The following SDK1 variants were observed in gnomAD, a reference collection of about 807,000 sequenced individuals.
SDK1 encodes sidekick cell adhesion molecule 1.
Under a neutral mutation model 245.5 loss-of-function variants are expected in SDK1, and 157 were observed. The ratio of observed to expected loss-of-function variants is 0.64; its 90% CI spans 0.56 to 0.73. The LOEUF (loss-of-function observed/expected upper bound fraction) is 0.73. Ranked by LOEUF, SDK1 falls within the 30% of genes least tolerant of loss-of-function variation. SDK1 has a pLI of 0.00. For synonymous variants in SDK1, 1,647 were observed against 1,278.5 expected, an observed-to-expected ratio of 1.29 and a Z score of -6.15; for missense variants, 3,583 against 3,002.3, an observed-to-expected ratio of 1.19 and a Z score of -4.52.
chr7:4,118,600 C>T (rs1783867090), intron 25 of SDK1, among the ~76,000 whole-genome samples: 1 of 150,046 alleles, frequency 6.7e-6, no homozygotes, highest in African/African-American at 2.4e-5. Context: ...GAGCAGAAAA[C>T]ATATGTCTAC....
At chr7:3,717,122 A>T (rs1019113848) in intron 4 of SDK1, among the ~76,000 whole-genome samples, 8 of 152,348 alleles carry the variant, frequency 5.3e-5, no homozygotes, top group African/African-American at 1.7e-4. Flanking sequence ...GAATGAGGAT[A>T]CAAGTAGGCT....
chr7:3,561,263 A>G (rs1198534358), intron 1 of SDK1, among the ~76,000 whole-genome samples: 4 of 152,124 alleles, frequency 2.6e-5, no homozygotes, highest in Admixed American at 6.5e-5. Flanking sequence ...TTGATCCCTA[A>G]CACCCTCAAA....
chr7:3,974,125 A>C (rs1782697540), intron 12 of SDK1, among the ~76,000 whole-genome samples: 1 of 146,058 alleles, frequency 6.8e-6, no homozygotes, highest in African/African-American at 2.6e-5. Context: ...TGGAGGCTGC[A>C]GTGGGCCAAG....
intron 22 of SDK1, among the ~76,000 whole-genome samples, chr7:4,099,162 C>T (rs1188580914): frequency 6.6e-6 from 1 of 151,848 alleles, no homozygotes; most frequent in Non-Finnish European, 1.5e-5. Context: ...ATTCCAGGCA[C>T]AGAGAAGAGA....
In SDK1 at chr7:3,734,027, C is replaced by G. The variant is rs184841655; in HGVS notation, c.714-87423C>G. On this transcript the variant is annotated intron_variant, in intron 4 of 44. Transcript: ENST00000404826. The stretch of plus-strand genomic sequence containing the variant: ...ATTCATGCTGGGAACAGATCCAGAT[C>G]TGCTGTAAGCCCTGGCTGTGCCCTG... Among the ~76,000 whole-genome samples the G allele has an allele frequency of 3.7e-4, 56 of 152,310 alleles. No individual in the cohort carries two copies. In the South Asian group the frequency reaches 8.9e-3, roughly 24 times the overall value.
At chr7:3,914,647 A>G (rs1479964904) in intron 5 of SDK1, among the ~76,000 whole-genome samples, 1 of 152,160 alleles carries the variant, frequency 6.6e-6, no homozygotes, top group Non-Finnish European at 1.5e-5. Context: ...TTATTGCAAA[A>G]TGATTTTTTG....
At chr7:3,520,393 A>G (rs371811674) in intron 1 of SDK1, among the ~76,000 whole-genome samples, 1 of 152,148 alleles carries the variant, frequency 6.6e-6, no homozygotes, top group South Asian at 2.1e-4. Flanking sequence ...TCTTGTTAGT[A>G]TAGTGCTAAT....
At chr7:3,555,987 C>G (rs1779575237) in intron 1 of SDK1, among the ~76,000 whole-genome samples, 3 of 152,076 alleles carry the variant, frequency 2.0e-5, no homozygotes, top group South Asian at 2.1e-4. Context: ...ATTAGGGAAA[C>G]CACCATGGAG....
intron 1 of SDK1, among the ~76,000 whole-genome samples, chr7:3,373,990 T>A (rs541338395): frequency 6.6e-6 from 1 of 152,346 alleles, no homozygotes; most frequent in East Asian, 1.9e-4. Flanking sequence ...TACTTTGTTT[T>A]AACATAAGAA....
intron 1 of SDK1, among the ~76,000 whole-genome samples, chr7:3,410,830 G>A (rs1027786877): frequency 3.3e-5 from 5 of 151,786 alleles, no homozygotes; most frequent in African/African-American, 1.2e-4. Flanking sequence ...CAGGTGATCC[G>A]CCTGCCTCGG....
intron 4 of SDK1, among the ~76,000 whole-genome samples, chr7:3,687,446 A>G (rs546093078): frequency 6.6e-6 from 1 of 152,280 alleles, no homozygotes; most frequent in South Asian, 2.1e-4. Context: ...TTTTATTCAT[A>G]ATCACCCCAA....
intron 1 of SDK1, among the ~76,000 whole-genome samples, chr7:3,554,362 C>A (rs1177952511): frequency 6.6e-6 from 1 of 152,026 alleles, no homozygotes; most frequent in African/African-American, 2.4e-5. Context: ...ATTTAAAGAT[C>A]AAGTTTTAAA....
chr7:3,617,280 A>G (rs1467630759), intron 1 of SDK1, among the ~76,000 whole-genome samples: 1 of 152,200 alleles, frequency 6.6e-6, no homozygotes, highest in African/African-American at 2.4e-5. Flanking sequence ...GCATTGTTCT[A>G]GGTGCTAGGA....
rs144472783 is a variant in SDK1, at chr7:4,233,292, G to C, written c.5865G>C (p.Pro1955=). ...GGGACATGTTTGTGAAGGACATCCC[G>C]CGGAGCGCCACATCCTACACCCTCA... ...GLWDMFVKDI[P]RSATSYTLSL... is the part of the protein sequence containing the mutation. Residue 1955 remains proline (P), a synonymous_variant, in exon 41 of 45, where the codon CCG becomes CCC. Coordinates refer to ENST00000404826, the MANE Select transcript of SDK1 (RefSeq NM_152744.4). 1 of 1,613,904 alleles carries C rather than the reference G, an allele frequency of 6.2e-7. No homozygotes were observed.
intron 4 of SDK1, among the ~76,000 whole-genome samples, chr7:3,775,703 AG>A (rs1780535580): frequency 6.6e-6 from 1 of 151,598 alleles, no homozygotes; most frequent in South Asian, 2.1e-4. Flanking sequence ...CAGCCTCCCG[AG>A]TAGCTGGGAC....
intron 4 of SDK1, among the ~76,000 whole-genome samples, chr7:3,800,510 T>C (rs1411896640): frequency 6.6e-6 from 1 of 151,998 alleles, no homozygotes; most frequent in South Asian, 2.1e-4. Flanking sequence ...GCCTTCCAAG[T>C]AGCTTGGATT....
At chr7:3,673,168 A>T (rs938764119) in intron 4 of SDK1, among the ~76,000 whole-genome samples, 2 of 152,150 alleles carry the variant, frequency 1.3e-5, no homozygotes, top group Non-Finnish European at 2.9e-5. Context: ...TCCAAAGGGA[A>T]TTGATTTTTA....
At chr7:3,680,128 A>AT (rs1562366044) in intron 4 of SDK1, among the ~76,000 whole-genome samples, 1 of 152,218 alleles carries the variant, frequency 6.6e-6, no homozygotes, top group Non-Finnish European at 1.5e-5. Flanking sequence ...GAATGAATGA[A>AT]CCAGGCAACG....
intron 5 of SDK1, among the ~76,000 whole-genome samples, chr7:3,878,785 T>C (rs1223207698): frequency 2.6e-5 from 4 of 152,150 alleles, no homozygotes; most frequent in African/African-American, 9.7e-5. Flanking sequence ...TTTTAATTCC[T>C]AGAGGAAATA....
Sources: gnomAD v4.1 joint callset for allele counts (sites outside exome capture counted in the v4.1 genomes callset) on GRCh38, gnomAD v4.1.1 for gene constraint, MANE v1.5 for transcripts, NCBI Gene and HGNC (gene_info 2026-07-23, HGNC 2026-07-21) for gene names.